RGS7: variants seen among roughly 807,000 people sequenced by gnomAD.
The protein encoded by RGS7 is regulator of G protein signaling 7, also known as regulator of G-protein signaling 7.
Under a neutral mutation model 81.1 loss-of-function variants are expected in RGS7, and 27 were observed. The ratio of observed to expected loss-of-function variants is 0.33; its 90% CI spans 0.25 to 0.46. The LOEUF (loss-of-function observed/expected upper bound fraction) is 0.46. Among genes scored for constraint, RGS7 ranks in the 20% least tolerant of loss-of-function variants. The pLI is 1.00. For synonymous variants in RGS7, 208 were observed against 207.7 expected (o/e 1.00, Z -0.01); for missense variants, 396 against 607.4 (o/e 0.65, Z 3.66).
intron 3 of RGS7, among the ~76,000 whole-genome samples, chr1:241,059,801 C>A (rs1463980328): frequency 1.3e-5 from 2 of 151,258 alleles, no homozygotes; most frequent in Admixed American, 6.6e-5. Flanking sequence ...GCACCTTACA[C>A]ATCAAGTTCA....
chr1:241,093,825 T>C (rs958706804), intron 3 of RGS7, among the ~76,000 whole-genome samples: 3 of 151,444 alleles, frequency 2.0e-5, no homozygotes, highest in Non-Finnish European at 4.4e-5. Context: ...ACATTTTTCA[T>C]GTACACTCCT....
At chr1:241,227,486 G>A (rs2686232) in intron 2 of RGS7, among the ~76,000 whole-genome samples, 111,777 of 150,344 alleles carry the variant, frequency 0.74, 41,662 homozygotes, top group East Asian at 0.8. Flanking sequence ...TAATCCTAGC[G>A]CTTTGAGAGG....
At chr1:241,203,998 C>G (rs932311668) in intron 2 of RGS7, among the ~76,000 whole-genome samples, 1 of 152,148 alleles carries the variant, frequency 6.6e-6, no homozygotes, top group Non-Finnish European at 1.5e-5. Context: ...GCTACTCTTG[C>G]CCTTTCAAAT....
chr1:241,064,026 A>T (rs1015312849), intron 3 of RGS7, among the ~76,000 whole-genome samples: 1 of 151,890 alleles, frequency 6.6e-6, no homozygotes, highest in Non-Finnish European at 1.5e-5. Flanking sequence ...TCTACTAAAA[A>T]TACAAAATTA....
chr1:240,818,412 A>G (rs1440028194), intron 10 of RGS7, among the ~76,000 whole-genome samples: 1 of 152,218 alleles, frequency 6.6e-6, no homozygotes. Context: ...GAGCAGTATT[A>G]TGAAACAAAA....
At chr1:241,321,627 G>A (rs1026193569) in intron 2 of RGS7, among the ~76,000 whole-genome samples, 2 of 152,080 alleles carry the variant, frequency 1.3e-5, no homozygotes, top group Admixed American at 1.3e-4. Context: ...AAGATGGGAG[G>A]TTATGGTTCC....
chr1:241,089,911 G>A (rs560826422), intron 3 of RGS7, among the ~76,000 whole-genome samples: 20 of 148,858 alleles, frequency 1.3e-4, no homozygotes, highest in African/African-American at 4.7e-4. Flanking sequence ...GGAGAATGGC[G>A]TGAACCTGGG....
intron 6 of RGS7, among the ~76,000 whole-genome samples, chr1:240,907,853 C>T (rs147037679): frequency 1.4e-3 from 216 of 152,198 alleles, no homozygotes; most frequent in Non-Finnish European, 2.5e-3. Flanking sequence ...CGGCCTTAAC[C>T]GCTAGACTTG....
intron 3 of RGS7, among the ~76,000 whole-genome samples, chr1:241,085,061 C>A (rs1261796834): frequency 2.0e-5 from 3 of 152,188 alleles, no homozygotes; most frequent in Non-Finnish European, 4.4e-5. Flanking sequence ...AAGTCAAATT[C>A]CAGTTTAATG....
chr1:240,864,400 A>G (rs1662840368), intron 9 of RGS7, among the ~76,000 whole-genome samples: 1 of 152,200 alleles, frequency 6.6e-6, no homozygotes, highest in Admixed American at 6.5e-5. Context: ...CAGGACTTAC[A>G]TATTTAAATA....
chr1:241,270,709 C>T (rs530635412), intron 2 of RGS7, among the ~76,000 whole-genome samples: 56 of 151,946 alleles, frequency 3.7e-4, no homozygotes, highest in African/African-American at 1.3e-3. Flanking sequence ...CACAGAGGAC[C>T]TGACATGTAG....
chr1:241,242,331 T>C (rs923523085), intron 2 of RGS7, among the ~76,000 whole-genome samples: 5 of 151,954 alleles, frequency 3.3e-5, no homozygotes, highest in African/African-American at 1.2e-4. Context: ...GATAGATAGA[T>C]AGATAGATAG....
At chr1:241,050,058 T>C (rs2061164501) in intron 3 of RGS7, among the ~76,000 whole-genome samples, 1 of 152,192 alleles carries the variant, frequency 6.6e-6, no homozygotes, top group African/African-American at 2.4e-5. Context: ...GGTTAAAAGT[T>C]CTACATAGCT....
intron 9 of RGS7, among the ~76,000 whole-genome samples, chr1:240,834,916 CCACACACACACACACACA>C (rs67071227): frequency 2.1e-5 from 3 of 144,518 alleles, no homozygotes; most frequent in African/African-American, 7.6e-5. Context: ...ACCTTACACT[CCACACACACACACACACA>C]CACACACACA....
chr1:241,167,250 A>C (rs1010888009), intron 2 of RGS7, among the ~76,000 whole-genome samples: 18 of 152,172 alleles, frequency 1.2e-4, no homozygotes, highest in African/African-American at 4.1e-4. Context: ...TGGGGTGAAG[A>C]ATACATACAA....
chr1:241,182,190 C>T (rs552144227), intron 2 of RGS7, among the ~76,000 whole-genome samples: 25 of 152,144 alleles, frequency 1.6e-4, no homozygotes, highest in Non-Finnish European at 2.8e-4. Flanking sequence ...CATCACCATG[C>T]GCAATAGGCA....
intron 2 of RGS7, among the ~76,000 whole-genome samples, chr1:241,208,861 A>C (rs1222063414): frequency 6.6e-6 from 1 of 152,216 alleles, no homozygotes; most frequent in Non-Finnish European, 1.5e-5. Context: ...ATAGCCAGGC[A>C]AGGTAAGAGA....
intron 18 of RGS7, among the ~76,000 whole-genome samples, chr1:240,781,403 C>T (rs575106977): frequency 1.3e-5 from 2 of 152,240 alleles, no homozygotes; most frequent in African/African-American, 4.8e-5. Context: ...GTCAGGAGTT[C>T]GAGACCAGTC....
chr1:240,908,193 T>C (rs1671147769), intron 6 of RGS7, among the ~76,000 whole-genome samples: 1 of 95,246 alleles, frequency 1.0e-5, no homozygotes, highest in African/African-American at 4.2e-5. Context: ...CACCGGGGCC[T>C]GTCGTGGGGT....
Sources: allele counts gnomAD v4.1 joint callset (sites outside exome capture counted in the v4.1 genomes callset), GRCh38; gene constraint gnomAD v4.1.1; transcripts MANE v1.5; gene names NCBI Gene and HGNC (gene_info 2026-07-23, HGNC 2026-07-21).